Variants in KCNG1 observed in about 807,000 individuals in gnomAD.
KCNG1 encodes the protein voltage-gated potassium channel regulatory subunit KCNG1.
KCNG1 carries 17 observed loss-of-function variants against 32.4 expected under a neutral mutation model. That is an observed-to-expected ratio of 0.52 (90% CI 0.36 to 0.79). KCNG1 has a LOEUF of 0.79. KCNG1 is among the 30% of genes least tolerant of loss of function. The pLI, the probability that KCNG1 is intolerant of heterozygous loss-of-function variation, is 0.00. For synonymous variants in KCNG1, 358 were observed against 339.9 expected (o/e 1.05, Z -0.59); for missense variants, 441 against 735.2 (o/e 0.60, Z 4.63).
chr20:51,004,059 C>T lies in KCNG1; in HGVS notation c.1522G>A (p.Asp508Asn). ...SDILFGSASS[D>N]TRDNN ...CGCGCTCAGTTATTGTCTCTGGTGT[C>T]CGAGGAGGCACTTCCGAACAAGATG... is the stretch of plus-strand genomic sequence containing the variant. The change falls in exon 3 of 3, where the codon GAC becomes AAC. Residue 508 changes from aspartate (D) to asparagine (N), a missense_variant. Transcript: ENST00000371571. The surrounding 1 kb of genome is among the most constrained non-coding windows in gnomAD (Gnocchi z 4.3). 6.2e-7 allele frequency: 1 copy of T among 1,614,134 alleles called. No homozygotes were observed. Among genetic ancestry groups the T allele is most frequent in the Non-Finnish European group, 8.5e-7 (1 of 1,179,980 alleles).
chr20:51,016,540 C>T (rs1001648006), intron 1 of KCNG1, among the ~76,000 whole-genome samples: 3 of 152,116 alleles, frequency 2.0e-5, no homozygotes, highest in African/African-American at 4.8e-5. Flanking sequence ...GGCAGAAGGG[C>T]GCACAGGCTT....
chr20:51,006,880 C>G (rs1987850658), intron 2 of KCNG1: 1 of 152,330 alleles, frequency 6.6e-6, no homozygotes, highest in Non-Finnish European at 1.5e-5. Context: ...CCTTGCAACA[C>G]TGTGAGGTGG....
chr20:51,008,734 T>C lies in KCNG1; in HGVS notation c.774+831A>G, dbSNP rs1356249776. Among the ~76,000 whole-genome samples, 5 of 152,308 alleles carry C rather than the reference T, an allele frequency of 3.3e-5. No individual in the cohort carries two copies. In the East Asian group the frequency reaches 7.7e-4, roughly 24 times the overall value. On this transcript the variant is annotated intron_variant, in intron 2 of 2. Transcript: ENST00000371571. Reference sequence around the variant, plus strand: ...ACCAAGTCAAATTTTTGGGAAACCTTGTGTGGGCCAATCACATAGTCCTGT... The same window carrying C: ...ACCAAGTCAAATTTTTGGGAAACCTCGTGTGGGCCAATCACATAGTCCTGT...
intron 2 of KCNG1, chr20:51,007,178 C>T (rs1367501187): frequency 1.3e-5 from 2 of 153,188 alleles, no homozygotes; most frequent in Non-Finnish European, 2.9e-5. Context: ...AGCAACACCC[C>T]CATCTCTAAA....
chr20:51,008,323 A>G (rs1439592501), intron 2 of KCNG1, among the ~76,000 whole-genome samples: 2 of 151,972 alleles, frequency 1.3e-5, no homozygotes, highest in Non-Finnish European at 2.9e-5. Context: ...CCAACCTCAC[A>G]ATTTTTAAAA....
chr20:51,016,714 T>C (rs1988292494), intron 1 of KCNG1, among the ~76,000 whole-genome samples: 1 of 152,222 alleles, frequency 6.6e-6, no homozygotes, highest in South Asian at 2.1e-4. Context: ...GGTGATGCAC[T>C]TGGCTCCATG....
At position 51,004,901 on chromosome 20, in the gene KCNG1, C is replaced by A. The variant is rs867582861; in HGVS notation, c.775-95G>T. 6.1e-6 allele frequency: 8 copies of A among 1,313,066 alleles called. No individual in the cohort carries two copies. Among genetic ancestry groups the A allele is most frequent in the South Asian group, 3.2e-5 (2 of 62,430 alleles). 81.3% of individuals were successfully genotyped at this position (1,313,066 alleles called of 1,614,324 possible). Reference sequence around the variant, plus strand: ...CCTGTGCCCTGCTGGGCTTCCCAGGCGGAAGGTGACCTCTCCAGGTTGAGT... The same window carrying A: ...CCTGTGCCCTGCTGGGCTTCCCAGGAGGAAGGTGACCTCTCCAGGTTGAGT... On this transcript the variant is annotated intron_variant, in intron 2 of 2. Transcript: ENST00000371571. This position sits in a 1 kb window ranked among gnomAD's most constrained non-coding sequence, Gnocchi z 4.3.
chr20:51,004,518 G>A lies in KCNG1; in HGVS notation c.1063C>T (p.Arg355Cys). ...AGCCCCAGGGAGTGGCGCGCCAGGC[G>A]CATCACGTACAGGATGCGCAGCGCC... ...LRALRILYVM[R>C]LARHSLGLQT... is the part of the protein sequence containing the mutation. The change falls in exon 3 of 3, where the codon CGC (arginine) becomes TGC (cysteine). Residue 355 changes from arginine (R) to cysteine (C), a missense_variant. Arg to Cys is a radical substitution (Grantham distance 180). This residue lies in a region of KCNG1 where 169 missense variants were observed against 297.7 expected (regional missense o/e 0.57). Coordinates refer to ENST00000371571, the MANE Select transcript of KCNG1 (RefSeq NM_002237.4). This position sits in a 1 kb window ranked among gnomAD's most constrained non-coding sequence, Gnocchi z 4.3. 1.9e-6 allele frequency: 3 copies of A among 1,591,144 alleles called. No homozygotes were observed. Among genetic ancestry groups the A allele is most frequent in the Non-Finnish European group, 2.6e-6 (3 of 1,169,812 alleles).
intron 1 of KCNG1, chr20:51,014,071 A>C (rs1490436332): frequency 6.6e-6 from 1 of 152,118 alleles, no homozygotes; most frequent in Non-Finnish European, 1.5e-5. Flanking sequence ...CCCCCACGTG[A>C]GTTTCCTGTG....
At position 51,009,555 on chromosome 20, in the gene KCNG1, G is replaced by A. The variant is rs779101548; in HGVS notation, c.774+10C>T. ...GGTGGCGCGTTTCCCCGCGGGGCGT[G>A]GGCTCTTACCTGCTCCTCCTCCTCC... On this transcript the variant is annotated intron_variant, in intron 2 of 2. Coordinates refer to ENST00000371571, the MANE Select transcript of KCNG1 (RefSeq NM_002237.4). 1 of 1,586,576 alleles carries A rather than the reference G, an allele frequency of 6.3e-7. No homozygotes were observed. Among genetic ancestry groups the A allele is most frequent in the Non-Finnish European group, 8.6e-7 (1 of 1,168,626 alleles).
chr20:51,015,436 A>G lies in KCNG1; in HGVS notation c.-26-5072T>C, dbSNP rs1988246193. Among the ~76,000 whole-genome samples, 1 of 152,180 alleles carries G rather than the reference A, an allele frequency of 6.6e-6. No individual in the cohort carries two copies. The highest frequency in any genetic ancestry group is 1.5e-5 in the Non-Finnish European group (1 of 68,028). On this transcript the variant is annotated intron_variant, in intron 1 of 2. Coordinates refer to ENST00000371571, the MANE Select transcript of KCNG1 (RefSeq NM_002237.4). The surrounding 1 kb of genome is among the most constrained non-coding windows in gnomAD (Gnocchi z 4.4). The stretch of plus-strand genomic sequence containing the variant: ...TGTCTCCCAAGGACGGTGCCAGACC[A>G]TCAATGCTGAGCTGATGGGTGTGTG...
chr20:51,016,388 G>C (rs1345355801), intron 1 of KCNG1, among the ~76,000 whole-genome samples: 1 of 152,098 alleles, frequency 6.6e-6, no homozygotes, highest in Non-Finnish European at 1.5e-5. Context: ...AGTGAGCGGA[G>C]ATGGTGCCAT....
At chr20:51,017,254 T>A (rs547114833) in intron 1 of KCNG1, among the ~76,000 whole-genome samples, 6 of 152,012 alleles carry the variant, frequency 3.9e-5, no homozygotes, top group Non-Finnish European at 8.8e-5. Context: ...ATGGACTGAG[T>A]GGAGATTTAG....
At chr20:51,014,803 G>A (rs1021030719) in intron 1 of KCNG1, among the ~76,000 whole-genome samples, 2 of 152,208 alleles carry the variant, frequency 1.3e-5, no homozygotes, top group African/African-American at 2.4e-5. Flanking sequence ...GGGCAACATT[G>A]GCTGGAGGGG....
At chr20:51,022,625 C>T (rs1314759035) in intron 1 of KCNG1, 2 of 152,216 alleles carry the variant, frequency 1.3e-5, no homozygotes, top group Non-Finnish European at 2.9e-5. Flanking sequence ...CCGGTGACCC[C>T]TTGGGATGAA....
chr20:51,016,640 A>G (rs1988290011), intron 1 of KCNG1, among the ~76,000 whole-genome samples: 1 of 152,224 alleles, frequency 6.6e-6, no homozygotes, highest in Non-Finnish European at 1.5e-5. Context: ...CTTTATCTGT[A>G]TAATGAGGCT....
Position 51,018,060 on chromosome 20 carries a change from T to C in KCNG1, c.-27+4810A>G, listed in dbSNP as rs1185240278. Among the ~76,000 whole-genome samples the C allele has an allele frequency of 2.6e-5, 4 of 152,154 alleles. No homozygotes were observed. In the East Asian group the frequency reaches 7.7e-4, roughly 29 times the overall value. Reference sequence around the variant, plus strand: ...TTCCAAAGATAAATGATCATTGAGATCATAAGGCGTTCTGAGTGGCAGTTC... The same window carrying C: ...TTCCAAAGATAAATGATCATTGAGACCATAAGGCGTTCTGAGTGGCAGTTC... On this transcript the variant is annotated intron_variant, in intron 1 of 2. Coordinates refer to ENST00000371571, the MANE Select transcript of KCNG1 (RefSeq NM_002237.4).
chr20:51,017,513 C>T (rs1988323880), intron 1 of KCNG1, among the ~76,000 whole-genome samples: 1 of 152,086 alleles, frequency 6.6e-6, no homozygotes, highest in African/African-American at 2.4e-5. Context: ...AATGAGGAGG[C>T]GTGCTGGGAA....
chr20:51,010,324 C>A lies in KCNG1; in HGVS notation c.15G>T (p.Pro5=). MTLL[P]GDNSDYDYSA... ...TGTAGTCGTAGTCAGAATTGTCTCC[C>A]GGTAAGAGGGTCATTTTGGGCCTTC... Residue 5 remains proline (P), a synonymous_variant, in exon 2 of 3, where the codon CCG becomes CCT. Transcript: ENST00000371571. 1 of 1,504,194 alleles carries A rather than the reference C, an allele frequency of 6.6e-7. No homozygotes were observed. Among genetic ancestry groups the A allele is most frequent in the Non-Finnish European group, 8.8e-7 (1 of 1,135,654 alleles). The allele number at this position is 1,504,194 out of a possible 1,614,324, so 93.2% of individuals were successfully genotyped here.
Sources: gnomAD v4.1 joint callset for allele counts (sites outside exome capture counted in the v4.1 genomes callset) on GRCh38, gnomAD v4.1.1 for gene constraint, gnomAD v4.1.1 regional missense constraint, Gnocchi (gnomAD v3.1) non-coding constraint, MANE v1.5 for transcripts, NCBI Gene and HGNC (gene_info 2026-07-23, HGNC 2026-07-21) for gene names.